Variants in LAMC1 observed in about 807,000 individuals in gnomAD.
LAMC1 encodes the protein laminin subunit gamma 1, also known as laminin subunit gamma-1.
LAMC1 carries 38 observed loss-of-function variants against 173.6 expected under a neutral mutation model. The ratio of observed to expected loss-of-function variants is 0.22; its 90% CI spans 0.17 to 0.29. The LOEUF (loss-of-function observed/expected upper bound fraction) is 0.29, where lower values mean the gene tolerates loss of function less well. Among genes scored for constraint, LAMC1 ranks in the 10% least tolerant of loss-of-function variants. The probability of loss-of-function intolerance (pLI) is 1.00; values close to 1 mark genes in which losing one functional copy is unlikely to be tolerated. For synonymous variants in LAMC1, 746 were observed against 749.1 expected, an observed-to-expected ratio of 1.00 and a Z score of 0.07; for missense variants, 1,824 against 2,051.8, an observed-to-expected ratio of 0.89 and a Z score of 2.14.
chr1:183,121,590 A>G (rs148526033), intron 11 of LAMC1, 133 bp from the exon 12 acceptor site: 9 of 671,644 alleles, frequency 1.3e-5, no homozygotes, highest in African/African-American at 9.1e-5. Flanking sequence ...CGTTTAGTGT[A>G]TCAGAGCCCA....
intron 1 of LAMC1, among the ~76,000 whole-genome samples, chr1:183,063,554 A>G (rs1654791968): frequency 6.6e-6 from 1 of 152,234 alleles, no homozygotes; most frequent in Non-Finnish European, 1.5e-5. Context: ...ACTGACCACT[A>G]GAACATGTGT....
intron 1 of LAMC1, among the ~76,000 whole-genome samples, chr1:183,083,810 CAGT>C (rs1350482549): frequency 6.6e-6 from 1 of 152,078 alleles, no homozygotes; most frequent in Non-Finnish European, 1.5e-5. Context: ...TCTTTGATAT[CAGT>C]AGTTATTGAA....
intron 1 of LAMC1, among the ~76,000 whole-genome samples, chr1:183,029,108 C>T (rs767999931): frequency 1.3e-5 from 2 of 152,214 alleles, no homozygotes; most frequent in Non-Finnish European, 2.9e-5. Context: ...AAAGACTACT[C>T]TGGTGAACAG....
At chr1:183,114,379 G>A in intron 4 of LAMC1, 152 bp from the exon 5 acceptor site, 1 of 805,214 alleles carries the variant, frequency 1.2e-6, no homozygotes, top group Middle Eastern at 2.5e-4. Flanking sequence ...CCTTCTTGTT[G>A]TTGTTAATGA....
intron 1 of LAMC1, among the ~76,000 whole-genome samples, chr1:183,081,979 G>A (rs998166839): frequency 1.3e-5 from 2 of 152,098 alleles, no homozygotes; most frequent in Admixed American, 1.3e-4. Context: ...CATATAGTTG[G>A]AGTAATATAT....
chr1:183,115,590 T>A lies in LAMC1; in HGVS notation c.1281T>A (p.Cys427Ter). 6.2e-7 allele frequency: 1 copy of A among 1,614,142 alleles called. No homozygotes were observed. Among genetic ancestry groups the A allele is most frequent in the Non-Finnish European group, 8.5e-7 (1 of 1,179,984 alleles). The change falls in exon 6 of 28, where the codon TGT becomes TGA. Residue 427 changes from cysteine (C) to a stop codon, truncating the protein, a stop_gained. Coordinates refer to ENST00000258341, the MANE Select transcript of LAMC1 (RefSeq NM_002293.4). LOFTEE classifies it high-confidence loss of function. ...SCKPGVMGDK[C>*]DRCQPGFHSL... ...AGCCAGGAGTGATGGGGGACAAATG[T>A]GACCGTTGCCAGCCTGGATTCCATT...
intron 1 of LAMC1, among the ~76,000 whole-genome samples, chr1:183,068,891 G>A (rs1486931675): frequency 2.0e-5 from 3 of 151,948 alleles, no homozygotes; most frequent in African/African-American, 7.3e-5. Flanking sequence ...GCAGTGAGCC[G>A]AGATCGCGCC....
intron 18 of LAMC1, among the ~76,000 whole-genome samples, chr1:183,129,734 C>T (rs540949767): frequency 6.6e-6 from 1 of 151,978 alleles, no homozygotes; most frequent in Non-Finnish European, 1.5e-5. Context: ...TTGTTAGGAC[C>T]TGAGTATGAG....
chr1:183,125,137 T>C, intron 14 of LAMC1: 1 of 591,762 alleles, frequency 1.7e-6, no homozygotes, highest in African/African-American at 1.9e-5. Context: ...AACATATGAT[T>C]TCAATAAGTA....
At chr1:183,083,835 A>G (rs1655352472) in intron 1 of LAMC1, among the ~76,000 whole-genome samples, 2 of 152,126 alleles carry the variant, frequency 1.3e-5, no homozygotes, top group Non-Finnish European at 2.9e-5. Flanking sequence ...TCACTTTTAA[A>G]TCATCAGCAT....
At position 183,131,172 on chromosome 1, in the gene LAMC1, C is replaced by CAAAAAA. The variant is rs3065304; in HGVS notation, c.3487-114_3487-109dup. ...CTGGGCAACAAGAGTGAAACTATCT[C>CAAAAAA]AAAAAAAAAAAAAAAAAAGGTAGAG... On this transcript the variant is annotated intron_variant, in intron 19 of 27. Coordinates refer to ENST00000258341, the MANE Select transcript of LAMC1 (RefSeq NM_002293.4). 4.2e-3 allele frequency: 1,689 copies of CAAAAAA among 399,716 alleles called. 3 individuals are homozygous for CAAAAAA. The highest frequency in any genetic ancestry group is 0.012 in the South Asian group (440 of 35,476). The allele number at this position is 399,716 out of a possible 1,614,324, so 24.8% of individuals were successfully genotyped here.
At chr1:183,024,655 T>G (rs1653632628) in intron 1 of LAMC1, among the ~76,000 whole-genome samples, 2 of 152,240 alleles carry the variant, frequency 1.3e-5, no homozygotes, top group Admixed American at 6.5e-5. Context: ...TGCCTATGTG[T>G]AATTAAAACA....
intron 1 of LAMC1, among the ~76,000 whole-genome samples, chr1:183,070,901 T>C (rs1297274159): frequency 6.6e-6 from 1 of 152,116 alleles, no homozygotes; most frequent in African/African-American, 2.4e-5. Context: ...GGATGATAAA[T>C]ATGAAGGATT....
intron 1 of LAMC1, among the ~76,000 whole-genome samples, chr1:183,072,123 T>C (rs114651675): frequency 6.6e-6 from 1 of 152,270 alleles, no homozygotes; most frequent in Admixed American, 6.5e-5. Context: ...AGGAACTGTT[T>C]GATTTGGAGC....
At chr1:183,142,040 G>A (rs1388106019) in intron 27 of LAMC1, among the ~76,000 whole-genome samples, 1 of 152,118 alleles carries the variant, frequency 6.6e-6, no homozygotes, top group Non-Finnish European at 1.5e-5. Context: ...CCATAGGAAG[G>A]CTCCTAATAG....
At chr1:183,053,396 A>T (rs1160461138) in intron 1 of LAMC1, among the ~76,000 whole-genome samples, 2 of 144,234 alleles carry the variant, frequency 1.4e-5, no homozygotes, top group East Asian at 4.2e-4. Context: ...AAAAATGCTC[A>T]TCTGGATCTG....
Position 183,114,679 on chromosome 1 carries a change from C to T in LAMC1, c.1170C>T (p.Gly390=). 6.2e-7 allele frequency: 1 copy of T among 1,614,166 alleles called. No homozygotes were observed. The highest frequency in any genetic ancestry group is 8.5e-7 in the Non-Finnish European group (1 of 1,180,050). The stretch of plus-strand genomic sequence containing the variant: ...GCCGAGAGAACTTCTTCCGCCTTGG[C>T]AACAATGAAGCCTGCTCTTCATGCC... The part of the protein sequence containing the change: ...ERCRENFFRL[G]NNEACSSCHC... Residue 390 remains glycine (G), a synonymous_variant, in exon 5 of 28, where the codon GGC becomes GGT. Coordinates refer to ENST00000258341, the MANE Select transcript of LAMC1 (RefSeq NM_002293.4).
Position 183,045,215 on chromosome 1 carries a change from AAT to A in LAMC1, c.418+21083_418+21084del, listed in dbSNP as rs142219518. ...GTACTTGCAAGTCAATACAAGGTAA[AAT>A]AGATAATTGTTTATGCAGCCAAGTA... is the stretch of plus-strand genomic sequence containing the variant. On this transcript the variant is annotated intron_variant, in intron 1 of 27. Coordinates refer to ENST00000258341, the MANE Select transcript of LAMC1 (RefSeq NM_002293.4). Among the ~76,000 whole-genome samples the A allele has an allele frequency of 3.2e-3, 481 of 152,058 alleles. 2 individuals are homozygous for A. Among genetic ancestry groups the A allele is most frequent in the African/African-American group, 0.011 (466 of 41,522 alleles).
At chr1:183,114,216 T>A (rs1340307540) in intron 4 of LAMC1, among the ~76,000 whole-genome samples, 1 of 152,126 alleles carries the variant, frequency 6.6e-6, no homozygotes. Context: ...ATTACAGGCA[T>A]CTGCTACCAC....
Sources: gnomAD v4.1 joint callset for allele counts (sites outside exome capture counted in the v4.1 genomes callset) on GRCh38, gnomAD v4.1.1 for gene constraint, MANE v1.5 for transcripts, NCBI Gene and HGNC (gene_info 2026-07-23, HGNC 2026-07-21) for gene names.